Variants in POT1 observed in about 807,000 individuals in gnomAD.
POT1 encodes the protein protection of telomeres protein 1.
In POT1, 47 loss-of-function variants were observed where a neutral mutation model predicts 78.5. The observed-to-expected ratio is 0.60, with a 90% CI of 0.47 to 0.76. The LOEUF is 0.76. POT1 is among the 30% of genes least tolerant of loss of function. The pLI, the probability that POT1 is intolerant of heterozygous loss-of-function variation, is 0.00. For missense variants in POT1, 646 were observed against 749.9 expected, an observed-to-expected ratio of 0.86 and a Z score of 1.62; for synonymous variants, 259 against 260.7, an observed-to-expected ratio of 0.99 and a Z score of 0.06.
Position 124,826,767 on chromosome 7 carries a change from G to A in POT1, c.1686+447C>T, listed in dbSNP as rs1010066321. Among the ~76,000 whole-genome samples, 7 of 152,166 alleles carry A rather than the reference G, an allele frequency of 4.6e-5. 1 individual carries two copies. The highest frequency in any genetic ancestry group is 2.6e-4 in the Admixed American group (4 of 15,280). On this transcript the variant is annotated intron_variant, in intron 17 of 18. Coordinates refer to ENST00000357628, the MANE Select transcript of POT1 (RefSeq NM_015450.3). The stretch of plus-strand genomic sequence containing the variant: ...TACCTGCAATCCCAGCTACTTGGGA[G>A]GCTGAGGCAGAGAACTGCTTGAACC...
chr7:124,830,140 C>G (rs948930894), intron 15 of POT1, among the ~76,000 whole-genome samples: 1 of 152,070 alleles, frequency 6.6e-6, no homozygotes, highest in African/African-American at 2.4e-5. Flanking sequence ...GTTTATGATG[C>G]CTAATTCCAT....
rs746756338 is a variant in POT1 at position 124,851,882 on chromosome 7, G to A, written c.939C>T (p.Asp313=). 49 of 1,606,678 alleles carry A rather than the reference G, an allele frequency of 3.0e-5. 1 individual carries two copies. In the South Asian group the frequency reaches 5.2e-4, roughly 17 times the overall value. The change falls in exon 11 of 19, where the codon GAC becomes GAT. Residue 313 remains aspartate, a synonymous_variant. Transcript: ENST00000357628. Reference sequence around the variant, plus strand: ...AAAGATTATCCTTACTTGGAAAGCTGTCGTCAGGTTCTGATTGACAGATAA... The same window carrying A: ...AAAGATTATCCTTACTTGGAAAGCTATCGTCAGGTTCTGATTGACAGATAA... ...SDVICQSEPD[D]SFPSSGSVSL... is the part of the protein sequence containing the mutation.
At chr7:124,863,291 C>A in intron 8 of POT1, 59 bp downstream of exon 8, 1 of 1,477,858 alleles carries the variant, frequency 6.8e-7, no homozygotes, top group Non-Finnish European at 9.2e-7. Context: ...GAAACATAAG[C>A]TCTTTACAGA....
intron 3 of POT1, among the ~76,000 whole-genome samples, chr7:124,909,268 T>C (rs1443734518): frequency 6.6e-6 from 1 of 151,876 alleles, no homozygotes; most frequent in African/African-American, 2.4e-5. Context: ...AGAGGAAGGC[T>C]TAATTACAGC....
rs1420575990 is a variant in POT1, at chr7:124,928,883, T to G, written c.-295A>C. Reference sequence around the variant, plus strand: ...CCGAAATCTACTTTATGTAATTTACTCAGCGGCTGAACTTCAGGCACCCCA... The same window carrying G: ...CCGAAATCTACTTTATGTAATTTACGCAGCGGCTGAACTTCAGGCACCCCA... On this transcript the variant is annotated 5_prime_UTR_variant, in exon 2 of 19. It removes the in-frame stop codon of an upstream open reading frame in the 5' UTR. Transcript: ENST00000357628. 6.6e-6 allele frequency: 1 copy of G among 152,630 alleles called. No homozygotes were observed. The highest frequency in any genetic ancestry group is 1.5e-5 in the Non-Finnish European group (1 of 68,038). The allele number at this position is 152,630 out of a possible 1,614,324, so 9.5% of individuals were successfully genotyped here. A position where few individuals can be genotyped will look rare whatever the true frequency, so the allele number is the denominator to read the frequency against.
intron 6 of POT1, among the ~76,000 whole-genome samples, chr7:124,891,131 A>G (rs894068086): frequency 6.6e-5 from 10 of 151,874 alleles, no homozygotes; most frequent in Admixed American, 2.6e-4. Context: ...ACCTCCTACT[A>G]TAATTGTGTT....
At chr7:124,871,914 A>G (rs1460637002) in intron 6 of POT1, among the ~76,000 whole-genome samples, 1 of 152,100 alleles carries the variant, frequency 6.6e-6, no homozygotes, top group African/African-American at 2.4e-5. Flanking sequence ...GCATTTTTCA[A>G]GAATGCAACA....
At chr7:124,859,316 G>A (rs950792998) in intron 8 of POT1, among the ~76,000 whole-genome samples, 22 of 152,126 alleles carry the variant, frequency 1.4e-4, no homozygotes, top group African/African-American at 5.1e-4. Context: ...GAATGTAAAG[G>A]AGAAAAAGAG....
intron 2 of POT1, among the ~76,000 whole-genome samples, chr7:124,926,584 T>C (rs1458739698): frequency 6.6e-6 from 1 of 152,188 alleles, no homozygotes; most frequent in Non-Finnish European, 1.5e-5. Context: ...CTACTGGGTA[T>C]GTACCCAAAG....
intron 3 of POT1, among the ~76,000 whole-genome samples, chr7:124,910,634 A>G (rs11972411): frequency 0.32 from 48,430 of 151,792 alleles, 7,753 homozygotes; most frequent in South Asian, 0.39. Flanking sequence ...TATAGACCTT[A>G]TTTGCTATTG....
intron 6 of POT1, among the ~76,000 whole-genome samples, chr7:124,872,196 T>C (rs1795887510): frequency 6.6e-6 from 1 of 152,196 alleles, no homozygotes. Flanking sequence ...TTCCACTGTG[T>C]ATACAGACCA....
chr7:124,899,039 A>T (rs1035241788), intron 3 of POT1, among the ~76,000 whole-genome samples: 1 of 152,194 alleles, frequency 6.6e-6, no homozygotes, highest in African/African-American at 2.4e-5. Context: ...CGAAACCTTA[A>T]GATACACCAA....
chr7:124,864,605 ACTT>A (rs1344611396), intron 7 of POT1, among the ~76,000 whole-genome samples: 7 of 151,872 alleles, frequency 4.6e-5, no homozygotes, highest in African/African-American at 1.7e-4. Flanking sequence ...TAAATCTTTA[ACTT>A]CTTAATGTCC....
chr7:124,871,905 C>A (rs1260832856), intron 6 of POT1, among the ~76,000 whole-genome samples: 1 of 152,018 alleles, frequency 6.6e-6, no homozygotes, highest in African/African-American at 2.4e-5. Flanking sequence ...ATTTTCTTAG[C>A]ATTTTTCAAG....
chr7:124,877,758 G>A (rs559328876), intron 6 of POT1, among the ~76,000 whole-genome samples: 114 of 148,532 alleles, frequency 7.7e-4, no homozygotes, highest in Middle Eastern at 7.0e-3. Context: ...GCGTGAACCC[G>A]GGAGGCAGAG....
At chr7:124,896,329 A>G (rs1050278973) in intron 5 of POT1, among the ~76,000 whole-genome samples, 5 of 151,780 alleles carry the variant, frequency 3.3e-5, no homozygotes, top group African/African-American at 1.2e-4. Flanking sequence ...GTTCGCAGAT[A>G]TATCAAATAT....
chr7:124,923,037 C>CA (rs34384029), intron 2 of POT1, among the ~76,000 whole-genome samples: 12,544 of 150,438 alleles, frequency 0.083, 695 homozygotes, highest in Middle Eastern at 0.15. Flanking sequence ...AATGCAATTT[C>CA]AAAAAAAATA....
At chr7:124,848,667 G>GAAA (rs11322299) in intron 11 of POT1, 15 of 109,986 alleles carry the variant, frequency 1.4e-4, no homozygotes, top group Middle Eastern at 1.2e-3. Flanking sequence ...CATCTCAAAA[G>GAAA]AAAAAAAAAA....
At chr7:124,904,829 C>G (rs1796719766) in intron 3 of POT1, among the ~76,000 whole-genome samples, 1 of 152,182 alleles carries the variant, frequency 6.6e-6, no homozygotes, top group Admixed American at 6.5e-5. Context: ...GTGCAAAAAT[C>G]ACAAGCATTC....
Sources: gnomAD v4.1 joint callset for allele counts (sites outside exome capture counted in the v4.1 genomes callset) on GRCh38, gnomAD v4.1.1 for gene constraint, MANE v1.5 for transcripts, NCBI Gene and HGNC (gene_info 2026-07-23, HGNC 2026-07-21) for gene names.